Variants in DMRT1 observed in about 807,000 individuals in gnomAD.
DMRT1 encodes doublesex- and mab-3-related transcription factor 1.
Under a neutral mutation model 32.3 loss-of-function variants are expected in DMRT1, and 7 were observed. That is an observed-to-expected ratio of 0.22 (90% CI 0.12 to 0.41). DMRT1 has a LOEUF of 0.41. Among genes scored for constraint, DMRT1 ranks in the 10% least tolerant of loss-of-function variants. The pLI is 1.00. For synonymous variants in DMRT1, 278 were observed against 206.1 expected (o/e 1.35, Z -2.99); for missense variants, 625 against 500.5 (o/e 1.25, Z -2.37).
intron 2 of DMRT1, 151 bp downstream of exon 2, chr9:847,294 G>C: frequency 2.5e-6 from 2 of 785,500 alleles, no homozygotes; most frequent in African/African-American, 1.7e-5. Flanking sequence ...GGCTGTTTGT[G>C]CCTGCATCAC....
At chr9:954,290 G>A (rs950772181) in intron 4 of DMRT1, among the ~76,000 whole-genome samples, 1 of 152,108 alleles carries the variant, frequency 6.6e-6, no homozygotes, top group Non-Finnish European at 1.5e-5. Context: ...AGCCACCAGG[G>A]TAAAGTGAAG....
intron 1 of DMRT1, among the ~76,000 whole-genome samples, chr9:846,031 CTTT>C (rs370176937): frequency 3.0e-5 from 4 of 132,954 alleles, no homozygotes; most frequent in Non-Finnish European, 3.2e-5. Flanking sequence ...CTGTTTTTGC[CTTT>C]TTTTTTTTTT....
chr9:841,709 C>A lies in DMRT1; in HGVS notation c.-130C>A. ...CCCAGACCTCGCCACTCCAGCTGCG[C>A]CTCCGGCTGCAGCGCACACGTCTCC... is the stretch of plus-strand genomic sequence containing the variant. On this transcript the variant is annotated 5_prime_UTR_variant, in exon 1 of 5. Transcript: ENST00000382276. The A allele has an allele frequency of 2.0e-6, 3 of 1,533,600 alleles. No individual in the cohort carries two copies. Among genetic ancestry groups the A allele is most frequent in the Non-Finnish European group, 2.6e-6 (3 of 1,138,964 alleles). 95.0% of individuals were successfully genotyped at this position (1,533,600 alleles called of 1,614,324 possible).
At chr9:902,444 C>T (rs984002584) in intron 3 of DMRT1, among the ~76,000 whole-genome samples, 1 of 151,366 alleles carries the variant, frequency 6.6e-6, no homozygotes, top group African/African-American at 2.4e-5. Context: ...TGTGGACTTA[C>T]ATTTGTGCTT....
rs751121540 is a variant in DMRT1, at chr9:968,793, C to G, written c.*654C>G. Reference sequence around the variant, plus strand: ...TGTAAACAGTGCAATTTAAAGTGACCTTAGTGATGCAGAGTTCCTGAGTGG... The same window carrying G: ...TGTAAACAGTGCAATTTAAAGTGACGTTAGTGATGCAGAGTTCCTGAGTGG... On this transcript the variant is annotated 3_prime_UTR_variant, in exon 5 of 5. Transcript: ENST00000382276. 2 of 152,842 alleles carry G rather than the reference C, an allele frequency of 1.3e-5. No individual in the cohort carries two copies. The highest frequency in any genetic ancestry group is 2.9e-5 in the Non-Finnish European group (2 of 68,366). The allele number at this position is 152,842 out of a possible 1,614,324, so 9.5% of individuals were successfully genotyped here.
At chr9:922,365 T>G (rs1412587901) in intron 4 of DMRT1, among the ~76,000 whole-genome samples, 1 of 152,170 alleles carries the variant, frequency 6.6e-6, no homozygotes, top group Admixed American at 6.5e-5. Flanking sequence ...TGTGGCCACT[T>G]CGTAGTAACA....
At chr9:899,478 G>T (rs1050303306) in intron 3 of DMRT1, among the ~76,000 whole-genome samples, 18 of 152,298 alleles carry the variant, frequency 1.2e-4, no homozygotes, top group African/African-American at 4.1e-4. Flanking sequence ...AGGCTCTTTT[G>T]TGTAAATGCC....
chr9:844,777 G>T (rs1278537135), intron 1 of DMRT1, among the ~76,000 whole-genome samples: 1 of 143,688 alleles, frequency 7.0e-6, no homozygotes, highest in Non-Finnish European at 1.5e-5. Flanking sequence ...CTGTAGTGCA[G>T]TGGCATGATT....
chr9:911,139 C>T (rs866392035), intron 3 of DMRT1, among the ~76,000 whole-genome samples: 1 of 152,106 alleles, frequency 6.6e-6, no homozygotes, highest in Admixed American at 6.5e-5. Context: ...TTGGTTAATT[C>T]TGTGTCCTGT....
intron 2 of DMRT1, among the ~76,000 whole-genome samples, chr9:870,482 C>T (rs540422464): frequency 3.3e-5 from 5 of 152,164 alleles, no homozygotes; most frequent in East Asian, 1.9e-4. Context: ...GAGTCCGTCC[C>T]GTGACAGCAT....
chr9:927,059 T>C lies in DMRT1; in HGVS notation c.967+10152T>C, dbSNP rs148301855. Among the ~76,000 whole-genome samples, 506 of 152,346 alleles carry C rather than the reference T, an allele frequency of 3.3e-3. 1 individual carries two copies. Among genetic ancestry groups the C allele is most frequent in the African/African-American group, 0.012 (486 of 41,584 alleles). On this transcript the variant is annotated intron_variant, in intron 4 of 4. Coordinates refer to ENST00000382276, the MANE Select transcript of DMRT1 (RefSeq NM_021951.3). ...CATCCTCACTCATGAGATTTCCTCA[T>C]TTGAATCTGACCTGAATCCACAGGG...
chr9:854,248 C>G (rs1815292228), intron 2 of DMRT1, among the ~76,000 whole-genome samples: 1 of 151,954 alleles, frequency 6.6e-6, no homozygotes, highest in Non-Finnish European at 1.5e-5. Flanking sequence ...TCCCAGGTAG[C>G]TGGGACTACA....
At chr9:886,004 C>T (rs1816913553) in intron 2 of DMRT1, among the ~76,000 whole-genome samples, 1 of 152,126 alleles carries the variant, frequency 6.6e-6, no homozygotes, top group Admixed American at 6.5e-5. Context: ...CAATTTTGGC[C>T]AATTATCATT....
chr9:946,880 G>A (rs1288830258), intron 4 of DMRT1, among the ~76,000 whole-genome samples: 1 of 152,188 alleles, frequency 6.6e-6, no homozygotes, highest in Non-Finnish European at 1.5e-5. Flanking sequence ...CAGTAGTTGA[G>A]ATTCACACAA....
At chr9:895,609 G>T (rs73639474) in intron 3 of DMRT1, among the ~76,000 whole-genome samples, 2,990 of 152,128 alleles carry the variant, frequency 0.02, 103 homozygotes, top group African/African-American at 0.069. Flanking sequence ...TGTGTACCTT[G>T]CACAATGATT....
chr9:939,048 C>G (rs998061432), intron 4 of DMRT1, among the ~76,000 whole-genome samples: 4 of 152,238 alleles, frequency 2.6e-5, no homozygotes, highest in African/African-American at 7.2e-5. Flanking sequence ...TTGCCCCACT[C>G]CATAGCCTTC....
At chr9:919,582 T>C (rs1818291284) in intron 4 of DMRT1, among the ~76,000 whole-genome samples, 1 of 152,222 alleles carries the variant, frequency 6.6e-6, no homozygotes, top group Admixed American at 6.5e-5. Context: ...TGCAGGTCTT[T>C]GTAAGCTATT....
At position 870,940 on chromosome 9, in the gene DMRT1, C is replaced by T. The variant is rs576507113; in HGVS notation, c.539-22972C>T. Among the ~76,000 whole-genome samples the T allele has an allele frequency of 1.1e-4, 17 of 150,364 alleles. No homozygotes were observed. The East Asian group carries it at 3.3e-3, about 30-fold the overall frequency. On this transcript the variant is annotated intron_variant, in intron 2 of 4. Transcript: ENST00000382276. ...TGTTGCCCAGGCTGGTTTTAAACTCCTGGGCTCAGCTGATCCTCCTGACAC... is the reference window on the plus strand; with the variant it reads ...TGTTGCCCAGGCTGGTTTTAAACTCTTGGGCTCAGCTGATCCTCCTGACAC...
intron 2 of DMRT1, among the ~76,000 whole-genome samples, chr9:871,245 C>T (rs955191796): frequency 6.6e-6 from 1 of 151,250 alleles, no homozygotes; most frequent in Non-Finnish European, 1.5e-5. Flanking sequence ...CCAGGCTAGT[C>T]TTGAATTATT....
Sources: allele counts gnomAD v4.1 joint callset (sites outside exome capture counted in the v4.1 genomes callset), GRCh38; gene constraint gnomAD v4.1.1; transcripts MANE v1.5; gene names NCBI Gene and HGNC (gene_info 2026-07-23, HGNC 2026-07-21).